CFAP251: variants seen among roughly 807,000 people sequenced by gnomAD.
CFAP251 encodes cilia and flagella associated protein 251.
CFAP251 carries 93 observed loss-of-function variants against 126.7 expected under a neutral mutation model. That is an observed-to-expected ratio of 0.73 (90% confidence interval 0.62 to 0.87). CFAP251 has a LOEUF of 0.87. Ranked by LOEUF, CFAP251 falls within the 40% of genes least tolerant of loss-of-function variation. The probability of loss-of-function intolerance (pLI) is 0.00; values close to 1 mark genes in which losing one functional copy is unlikely to be tolerated. For missense variants in CFAP251, 1,287 were observed against 1,389.2 expected (o/e 0.93, Z 1.17); for synonymous variants, 503 against 506.9 (o/e 0.99, Z 0.10).
rs138877158 is a variant in CFAP251, at chr12:121,924,693, G to C, written c.747+703G>C. ...GATCCGCCCACCTCGGCCTCCCAAA[G>C]TGCTGGGATTACAGGCGTGAGCCAC... On this transcript the variant is annotated intron_variant, in intron 3 of 21. Transcript: ENST00000288912. Among the ~76,000 whole-genome samples, 305 of 151,250 alleles carry C rather than the reference G, an allele frequency of 2.0e-3. 6 individuals carry two copies. The East Asian group carries it at 0.05, about 25-fold the overall frequency.
At chr12:121,983,482 A>C (rs951560187) in intron 19 of CFAP251, among the ~76,000 whole-genome samples, 6 of 152,238 alleles carry the variant, frequency 3.9e-5, no homozygotes, top group African/African-American at 1.4e-4. Context: ...AATAAAGCTT[A>C]AACAACTTAT....
rs1328228792 is a variant in CFAP251 at position 121,942,755 on chromosome 12, C to T, written c.1110+110C>T. 10 of 1,250,396 alleles carry T rather than the reference C, an allele frequency of 8.0e-6. No individual in the cohort carries two copies. The Admixed American group carries it at 1.2e-4, about 15-fold the overall frequency. 77.5% of individuals were successfully genotyped at this position (1,250,396 alleles called of 1,614,324 possible). ...GGCTGTGTGATGTCTGTGATATTCT[C>T]AAAAGACCAGACTCCACAGCACAGA... is the stretch of plus-strand genomic sequence containing the variant. On this transcript the variant is annotated intron_variant, in intron 6 of 21. Transcript: ENST00000288912.
chr12:121,991,289 A>G (rs924184538), intron 19 of CFAP251, among the ~76,000 whole-genome samples: 5 of 152,234 alleles, frequency 3.3e-5, no homozygotes, highest in African/African-American at 1.2e-4. Flanking sequence ...CTACAGCTTA[A>G]TGGGGAAAAC....
intron 11 of CFAP251, among the ~76,000 whole-genome samples, chr12:121,957,596 C>T (rs547520608): frequency 1.0e-4 from 15 of 148,284 alleles, no homozygotes; most frequent in African/African-American, 3.7e-4. Flanking sequence ...CCCAGCTACT[C>T]GGGAGGCTGA....
At chr12:121,956,599 G>A (rs373668956) in intron 10 of CFAP251, among the ~76,000 whole-genome samples, 7 of 152,222 alleles carry the variant, frequency 4.6e-5, no homozygotes, top group African/African-American at 1.4e-4. Flanking sequence ...ATGTTCAAGC[G>A]ATTCTCCTGC....
chr12:121,976,754 C>A lies in CFAP251; in HGVS notation c.3006+1069C>A, dbSNP rs78982798. 9.5e-3 allele frequency among the ~76,000 whole-genome samples: 1,439 copies of A among 151,972 alleles called. 25 individuals are homozygous for A. The highest frequency in any genetic ancestry group is 0.089 in the East Asian group (459 of 5,166). ...AGATCCTATCTATACCCATCCCCCC[C>A]AAAAAATTGCCCGGTGTGGTGGCCC... On this transcript the variant is annotated intron_variant, in intron 19 of 21. Transcript: ENST00000288912.
chr12:121,954,636 TAAAAAAAAAAA>T (rs1174239421), intron 10 of CFAP251, among the ~76,000 whole-genome samples: 1,400 of 42,024 alleles, frequency 0.033, 46 homozygotes, highest in Middle Eastern at 0.18. Flanking sequence ...CCTCCTGTCT[TAAAAAAAAAAA>T]AAAAAAAAAA....
At chr12:121,998,287 A>G (rs1883065547) in intron 19 of CFAP251, 1 of 151,476 alleles carries the variant, frequency 6.6e-6, no homozygotes, top group Non-Finnish European at 1.5e-5. Flanking sequence ...CCTGGCCTCA[A>G]GCAATCCTCC....
In CFAP251 at chr12:121,978,393, CAAAAAAAAAAAA is replaced by C. The variant is rs10642280; in HGVS notation, c.3006+2725_3006+2736del. ...TGGGCGACAGAGCAAGACTCTGTCT[CAAAAAAAAAAAA>C]AAAAAAAAAAAAAAAATTATCCGAA... is the stretch of plus-strand genomic sequence containing the variant. On this transcript the variant is annotated intron_variant, in intron 19 of 21. Coordinates refer to ENST00000288912, the MANE Select transcript of CFAP251 (RefSeq NM_144668.6). 1.4e-4 allele frequency among the ~76,000 whole-genome samples: 6 copies of C among 42,108 alleles called. 1 individual carries two copies. The highest frequency in any genetic ancestry group is 5.7e-4 in the African/African-American group (4 of 7,058). The allele number at this position is 42,108 out of a possible 152,430, so 27.6% of individuals were successfully genotyped here. A position where few individuals can be genotyped will look rare whatever the true frequency, so the allele number is the denominator to read the frequency against.
chr12:121,956,719 C>A (rs1040571002), intron 10 of CFAP251, among the ~76,000 whole-genome samples: 9 of 152,192 alleles, frequency 5.9e-5, no homozygotes, highest in African/African-American at 2.2e-4. Flanking sequence ...TGGTCTCGAA[C>A]TCCTGACCTC....
At chr12:121,930,484 C>T (rs912339074) in intron 3 of CFAP251, among the ~76,000 whole-genome samples, 1 of 151,452 alleles carries the variant, frequency 6.6e-6, no homozygotes, top group African/African-American at 2.4e-5. Context: ...AGACTCTGTT[C>T]CCTCCTCCAA....
chr12:121,986,272 A>G (rs1343405605), intron 19 of CFAP251, among the ~76,000 whole-genome samples: 3 of 143,436 alleles, frequency 2.1e-5, no homozygotes, highest in East Asian at 4.2e-4. Flanking sequence ...GATTATAGGC[A>G]TGAGCCACCA....
At position 121,967,024 on chromosome 12, in the gene CFAP251, G is replaced by A. The variant is rs202006063; in HGVS notation, c.2562G>A (p.Met854Ile). 1.2e-4 allele frequency: 197 copies of A among 1,614,246 alleles called. 2 individuals are homozygous for A. In the Middle Eastern group the frequency reaches 2.3e-3, roughly 19 times the overall value. Residue 854 changes from methionine (M) to isoleucine (I), a missense_variant, in exon 16 of 22, where the codon ATG becomes ATA. By Grantham distance (10) the Met-to-Ile change is conservative (BLOSUM62 1). Transcript: ENST00000288912. The stretch of plus-strand genomic sequence containing the variant: ...CACAAGTCCTCCCAGTGAGAAGCAT[G>A]GCGGAGCTACAGAAACGCTACTTGG... ...EQTQVLPVRS[M>I]AELQKRYLVF...
rs766750229 is a variant in CFAP251 at position 121,921,331 on chromosome 12, G to C, written c.26G>C (p.Arg9Pro). ...ATGTCAGATGCAGCAGAAGCTCCCC[G>C]AGAAGCAACAGGAGAAAATGGAGAA... MSDAAEAP[R>P]EATGENGETE... Residue 9 changes from arginine to proline, a missense_variant, in exon 2 of 22, where the codon CGA becomes CCA. Coordinates refer to ENST00000288912, the MANE Select transcript of CFAP251 (RefSeq NM_144668.6). 1 of 1,598,702 alleles carries C rather than the reference G, an allele frequency of 6.3e-7. No individual in the cohort carries two copies. The highest frequency in any genetic ancestry group is 8.5e-7 in the Non-Finnish European group (1 of 1,175,672).
chr12:121,980,507 C>T (rs1250392902), intron 19 of CFAP251, among the ~76,000 whole-genome samples: 2 of 151,322 alleles, frequency 1.3e-5, no homozygotes, highest in Non-Finnish European at 2.9e-5. Context: ...TGCCACCATG[C>T]TCTGCTAATT....
At chr12:121,976,416 C>G (rs1043434986) in intron 19 of CFAP251, among the ~76,000 whole-genome samples, 1 of 152,102 alleles carries the variant, frequency 6.6e-6, no homozygotes, top group Non-Finnish European at 1.5e-5. Context: ...CCTTGTTAGT[C>G]TCGCTGTCTA....
At position 121,941,534 on chromosome 12, in the gene CFAP251, A is replaced by G. The variant is rs139096497; in HGVS notation, c.999-1000A>G. ...TTTTTGGTAGAGATAGGGTTTTGCC[A>G]TGTTGTCCAGGCTGATCTTGAACTC... is the stretch of plus-strand genomic sequence containing the variant. On this transcript the variant is annotated intron_variant, in intron 5 of 21. Transcript: ENST00000288912. 1.6e-3 allele frequency among the ~76,000 whole-genome samples: 236 copies of G among 151,842 alleles called. No individual in the cohort carries two copies. The Middle Eastern group carries it at 0.017, about 11-fold the overall frequency.
chr12:121,929,766 C>T (rs1880604409), intron 3 of CFAP251, among the ~76,000 whole-genome samples: 1 of 151,964 alleles, frequency 6.6e-6, no homozygotes, highest in African/African-American at 2.4e-5. Context: ...TAACCTCCGC[C>T]TCCTGGGTTC....
At chr12:121,967,485 G>A (rs1436631815) in intron 16 of CFAP251, among the ~76,000 whole-genome samples, 5 of 152,120 alleles carry the variant, frequency 3.3e-5, no homozygotes, top group Non-Finnish European at 7.4e-5. Flanking sequence ...GGTGGATCAC[G>A]AGGTCAGGAG....
Sources: allele counts gnomAD v4.1 joint callset (sites outside exome capture counted in the v4.1 genomes callset), GRCh38; gene constraint gnomAD v4.1.1; transcripts MANE v1.5; gene names NCBI Gene and HGNC (gene_info 2026-07-23, HGNC 2026-07-21).